Variants in XYLT1 observed in about 807,000 individuals in gnomAD.
XYLT1 encodes the protein beta-D-xylosyltransferase 1.
In XYLT1, 36 loss-of-function variants were observed where a neutral mutation model predicts 91.3. That is an observed-to-expected ratio of 0.39 (90% CI 0.30 to 0.52). XYLT1 has a LOEUF of 0.52. Among genes scored for constraint, XYLT1 ranks in the 20% least tolerant of loss-of-function variants. The pLI, the probability that XYLT1 is intolerant of heterozygous loss-of-function variation, is 0.68. For synonymous variants in XYLT1, 588 were observed against 532.0 expected (o/e 1.11, Z -1.45); for missense variants, 1,242 against 1,284.5 (o/e 0.97, Z 0.51).
chr16:17,337,775 C>CTTT (rs71373106), intron 2 of XYLT1, among the ~76,000 whole-genome samples: 1,844 of 114,052 alleles, frequency 0.016, 138 homozygotes, highest in African/African-American at 0.026. Context: ...CACATTTTTT[C>CTTT]TTTTTCTTTT....
chr16:17,171,621 C>G (rs941159935), intron 5 of XYLT1, among the ~76,000 whole-genome samples: 1 of 152,184 alleles, frequency 6.6e-6, no homozygotes, highest in African/African-American at 2.4e-5. Flanking sequence ...AGGACACAGG[C>G]CTTGAAGTAA....
chr16:17,334,623 G>A (rs138753149), intron 2 of XYLT1, among the ~76,000 whole-genome samples: 56 of 152,234 alleles, frequency 3.7e-4, no homozygotes, highest in African/African-American at 1.3e-3. Context: ...GTCCCTCCCC[G>A]AGGGGACCTT....
intron 1 of XYLT1, among the ~76,000 whole-genome samples, chr16:17,465,001 A>G (rs1480727021): frequency 6.6e-6 from 1 of 151,784 alleles, no homozygotes; most frequent in Non-Finnish European, 1.5e-5. Flanking sequence ...AAAATTAGCC[A>G]GGCGTGGTGG....
In XYLT1 at chr16:17,141,268, C is replaced by G; in HGVS notation, c.1472G>C (p.Gly491Ala). Residue 491 changes from glycine (G) to alanine (A), a missense_variant, in exon 7 of 12, where the codon GGC becomes GCC. Physicochemically the swap from Gly to Ala is moderately conservative, Grantham distance 60. Coordinates refer to ENST00000261381, the MANE Select transcript of XYLT1 (RefSeq NM_022166.4). ...GTTCAGCAGGAACCAGTCCGAACCG[C>G]CATCCACGGCAATGCCCTCTGGGAT... The part of the protein sequence containing the change: ...RRIPEGIAVD[G>A]GSDWFLLNRR... 6.2e-7 allele frequency: 1 copy of G among 1,614,180 alleles called. No homozygotes were observed. Among genetic ancestry groups the G allele is most frequent in the Non-Finnish European group, 8.5e-7 (1 of 1,180,032 alleles).
chr16:17,172,413 T>C (rs972639097), intron 5 of XYLT1, among the ~76,000 whole-genome samples: 6 of 151,850 alleles, frequency 4.0e-5, no homozygotes. Context: ...ATTCAGGCCC[T>C]GCCATAAGCA....
intron 3 of XYLT1, among the ~76,000 whole-genome samples, chr16:17,214,659 G>A (rs141783183): frequency 5.3e-5 from 8 of 152,246 alleles, no homozygotes; most frequent in African/African-American, 1.7e-4. Context: ...TCATGCACAC[G>A]CCACAAGAGC....
intron 2 of XYLT1, among the ~76,000 whole-genome samples, chr16:17,298,019 CAAAAAA>C (rs60593780): frequency 9.5e-6 from 1 of 105,656 alleles, no homozygotes; most frequent in African/African-American, 3.6e-5. Flanking sequence ...GACTCCGTCT[CAAAAAA>C]AAAAAAAAAA....
intron 1 of XYLT1, among the ~76,000 whole-genome samples, chr16:17,457,760 G>C (rs1443178357): frequency 6.6e-6 from 1 of 152,140 alleles, no homozygotes; most frequent in African/African-American, 2.4e-5. Context: ...TAGGATAAAA[G>C]AAAGTGCAAA....
rs1048329056 is a variant in XYLT1 at position 17,308,479 on chromosome 16, C to A, written c.403-48981G>T. Reference sequence around the variant, plus strand: ...AACCTTTCCTCTCCTCACCCAGCTCCCTGTAAGGTGAAGATACAGCTCTAT... The same window carrying A: ...AACCTTTCCTCTCCTCACCCAGCTCACTGTAAGGTGAAGATACAGCTCTAT... On this transcript the variant is annotated intron_variant, in intron 2 of 11. Coordinates refer to ENST00000261381, the MANE Select transcript of XYLT1 (RefSeq NM_022166.4). Among the ~76,000 whole-genome samples, 3 of 152,184 alleles carry A rather than the reference C, an allele frequency of 2.0e-5. No individual in the cohort carries two copies. The East Asian group carries it at 5.8e-4, about 29-fold the overall frequency.
At chr16:17,192,318 C>G (rs1278548146) in intron 5 of XYLT1, among the ~76,000 whole-genome samples, 1 of 152,054 alleles carries the variant, frequency 6.6e-6, no homozygotes, top group Non-Finnish European at 1.5e-5. Flanking sequence ...AGGCTGGTCT[C>G]AGACTCCTGA....
intron 1 of XYLT1, among the ~76,000 whole-genome samples, chr16:17,397,757 T>C (rs1453458083): frequency 3.3e-5 from 5 of 151,988 alleles, no homozygotes; most frequent in Non-Finnish European, 4.4e-5. Context: ...ACTGTCCCTC[T>C]TCAGACATAC....
At chr16:17,272,543 A>T (rs908852592) in intron 2 of XYLT1, among the ~76,000 whole-genome samples, 1 of 152,142 alleles carries the variant, frequency 6.6e-6, no homozygotes, top group Non-Finnish European at 1.5e-5. Flanking sequence ...TTCACTCTGT[A>T]GACTGTTTTC....
chr16:17,224,758 T>C (rs2033032792), intron 3 of XYLT1, among the ~76,000 whole-genome samples: 1 of 152,226 alleles, frequency 6.6e-6, no homozygotes, highest in Non-Finnish European at 1.5e-5. Context: ...TCAACATTTC[T>C]TCAACACTTC....
intron 2 of XYLT1, among the ~76,000 whole-genome samples, chr16:17,341,022 A>G (rs1203600375): frequency 1.3e-5 from 2 of 152,218 alleles, no homozygotes; most frequent in East Asian, 3.8e-4. Flanking sequence ...AGTGCCTTTG[A>G]AAGAGGAAAC....
intron 2 of XYLT1, among the ~76,000 whole-genome samples, chr16:17,294,283 C>A (rs1296572059): frequency 6.6e-6 from 1 of 152,162 alleles, no homozygotes; most frequent in Non-Finnish European, 1.5e-5. Context: ...GTGGCAACAC[C>A]TGTCCAAGGA....
chr16:17,289,297 C>G (rs954141244), intron 2 of XYLT1, among the ~76,000 whole-genome samples: 4 of 152,232 alleles, frequency 2.6e-5, no homozygotes, highest in African/African-American at 9.6e-5. Flanking sequence ...ACCTCCTGCT[C>G]TAGGTTGCTT....
At chr16:17,218,544 C>T (rs531820279) in intron 3 of XYLT1, among the ~76,000 whole-genome samples, 3 of 152,210 alleles carry the variant, frequency 2.0e-5, no homozygotes, top group African/African-American at 4.8e-5. Context: ...TGTGAGCTAT[C>T]GCTTCCAAAA....
At chr16:17,193,277 G>A (rs2032358676) in intron 5 of XYLT1, 1 of 152,188 alleles carries the variant, frequency 6.6e-6, no homozygotes, top group East Asian at 1.9e-4. Flanking sequence ...CGCTGTGGTA[G>A]GTCCTTATCA....
At chr16:17,304,975 G>T (rs1304903365) in intron 2 of XYLT1, among the ~76,000 whole-genome samples, 1 of 152,170 alleles carries the variant, frequency 6.6e-6, no homozygotes, top group Non-Finnish European at 1.5e-5. Flanking sequence ...ACAGCTTCCA[G>T]ATGGCACAGG....
Sources: allele counts gnomAD v4.1 joint callset (sites outside exome capture counted in the v4.1 genomes callset), GRCh38; gene constraint gnomAD v4.1.1; transcripts MANE v1.5; gene names NCBI Gene and HGNC (gene_info 2026-07-23, HGNC 2026-07-21).